FBXO25: variants seen among roughly 807,000 people sequenced by gnomAD.
The protein encoded by FBXO25 is F-box protein 25.
A neutral mutation model predicts 51.9 loss-of-function variants in FBXO25; 45 were observed. The observed-to-expected ratio is 0.87, with a 90% confidence interval of 0.68 to 1.11. FBXO25 has a LOEUF of 1.11. Among genes scored for constraint, FBXO25 ranks in the 50% most tolerant of loss-of-function variants. The probability of loss-of-function intolerance (pLI) is 0.00; values close to 1 mark genes in which losing one functional copy is unlikely to be tolerated. For synonymous variants in FBXO25, 199 were observed against 151.0 expected (o/e 1.32, Z -2.33); for missense variants, 507 against 428.5 (o/e 1.18, Z -1.62).
intron 2 of FBXO25, among the ~76,000 whole-genome samples, chr8:418,099 A>G (rs1203571000): frequency 6.6e-6 from 1 of 152,080 alleles, no homozygotes; most frequent in African/African-American, 2.4e-5. Context: ...GGGTTTCATC[A>G]TGAGGGAATA....
At position 453,629 on chromosome 8, in the gene FBXO25, C is replaced by T. The variant is rs548278987; in HGVS notation, c.660+2176C>T. Among the ~76,000 whole-genome samples the T allele has an allele frequency of 4.6e-5, 7 of 152,212 alleles. No homozygotes were observed. In the East Asian group the frequency reaches 5.8e-4, roughly 13 times the overall value. On this transcript the variant is annotated intron_variant, in intron 7 of 9. Coordinates refer to ENST00000350302, the MANE Select transcript of FBXO25 (RefSeq NM_183420.2). ...TGGCTGATGCTGGATTGCTGCCTCC[C>T]GCTTATTCACGTGAATTTTGAGGTG...
intron 2 of FBXO25, among the ~76,000 whole-genome samples, chr8:427,901 A>G (rs1291215810): frequency 6.6e-6 from 1 of 151,960 alleles, no homozygotes; most frequent in Admixed American, 6.6e-5. Context: ...ATGATGGCCC[A>G]TAACAGCACA....
At chr8:454,779 T>TTGGG in intron 7 of FBXO25, among the ~76,000 whole-genome samples, 1 of 151,840 alleles carries the variant, frequency 6.6e-6, no homozygotes, top group East Asian at 1.9e-4. Context: ...TGGTCCCAGC[T>TTGGG]ACTTGGGAGG....
intron 8 of FBXO25, among the ~76,000 whole-genome samples, chr8:458,925 C>G (rs75326799): frequency 0.019 from 2,851 of 152,240 alleles, 81 homozygotes; most frequent in African/African-American, 0.066. Flanking sequence ...GTCAGGTGCC[C>G]TCTGTGTGCC....
chr8:428,111 C>G (rs566004340), intron 2 of FBXO25, among the ~76,000 whole-genome samples: 1 of 152,266 alleles, frequency 6.6e-6, no homozygotes, highest in South Asian at 2.1e-4. Context: ...TTGTTTACTT[C>G]TACTTGGAGT....
chr8:452,081 G>A (rs1774058419), intron 7 of FBXO25, among the ~76,000 whole-genome samples: 1 of 152,168 alleles, frequency 6.6e-6, no homozygotes, highest in Non-Finnish European at 1.5e-5. Context: ...AGCCTTGGTG[G>A]TATAAATGAT....
chr8:433,303 G>A (rs968200206), intron 4 of FBXO25, among the ~76,000 whole-genome samples: 5 of 152,076 alleles, frequency 3.3e-5, no homozygotes, highest in African/African-American at 1.2e-4. Context: ...GCAGTGTGTG[G>A]TTCCTGCCTA....
At chr8:456,021 C>T (rs186274074) in intron 7 of FBXO25, among the ~76,000 whole-genome samples, 2 of 152,146 alleles carry the variant, frequency 1.3e-5, no homozygotes. Context: ...CTTCGTACTA[C>T]CTTCATACCA....
intron 1 of FBXO25, among the ~76,000 whole-genome samples, chr8:409,152 C>T (rs779146088): frequency 1.4e-4 from 22 of 152,106 alleles, no homozygotes; most frequent in Non-Finnish European, 2.8e-4. Flanking sequence ...AGACCCCAGA[C>T]GTTTTAAATT....
intron 7 of FBXO25, among the ~76,000 whole-genome samples, chr8:456,498 C>T (rs954723031): frequency 6.6e-6 from 1 of 152,220 alleles, no homozygotes; most frequent in African/African-American, 2.4e-5. Flanking sequence ...CTGCGGGGAC[C>T]ATGCTGGCTG....
intron 2 of FBXO25, among the ~76,000 whole-genome samples, chr8:420,046 T>G (rs2121887): frequency 6.6e-6 from 1 of 151,838 alleles, no homozygotes; most frequent in Non-Finnish European, 1.5e-5. Context: ...GATGCCCAAC[T>G]TAATTTATTG....
chr8:441,676 AAAC>A, intron 5 of FBXO25, among the ~76,000 whole-genome samples: 1 of 152,154 alleles, frequency 6.6e-6, no homozygotes, highest in East Asian at 1.9e-4. Flanking sequence ...TACAAGAAAA[AAAC>A]AACCCCATCA....
At chr8:413,753 C>A (rs187382404) in intron 2 of FBXO25, among the ~76,000 whole-genome samples, 1 of 152,216 alleles carries the variant, frequency 6.6e-6, no homozygotes, top group South Asian at 2.1e-4. Flanking sequence ...TGGTGAGACA[C>A]GACCTGTGTT....
chr8:417,663 C>A (rs1196514558), intron 2 of FBXO25, among the ~76,000 whole-genome samples: 1 of 152,200 alleles, frequency 6.6e-6, no homozygotes, highest in Non-Finnish European at 1.5e-5. Flanking sequence ...GAGGTGGTGT[C>A]ACCATGTTCT....
chr8:474,666 C>T lies in FBXO25; in HGVS notation c.*5862C>T, dbSNP rs188543547. 57 of 445,426 alleles carry T rather than the reference C, an allele frequency of 1.3e-4. 1 individual carries two copies. The East Asian group carries it at 3.3e-3, about 26-fold the overall frequency. The allele number at this position is 445,426 out of a possible 1,614,324, so 27.6% of individuals were successfully genotyped here. ...ATCTGTTTGTTGGCCGTTTATATGT[C>T]GTCTTTGGAGAAATGTCTATTTGGG... On this transcript the variant is annotated 3_prime_UTR_variant, in exon 10 of 10. Coordinates refer to ENST00000350302, the MANE Select transcript of FBXO25 (RefSeq NM_183420.2).
At chr8:437,254 G>A (rs1377535844) in intron 5 of FBXO25, among the ~76,000 whole-genome samples, 1 of 152,186 alleles carries the variant, frequency 6.6e-6, no homozygotes, top group Non-Finnish European at 1.5e-5. Context: ...AATGTGCTGT[G>A]CACTCATGTA....
chr8:446,314 C>G (rs977805142), intron 5 of FBXO25, among the ~76,000 whole-genome samples: 3 of 152,094 alleles, frequency 2.0e-5, no homozygotes, highest in African/African-American at 7.2e-5. Context: ...GCATGTGTAA[C>G]TCTTCTTTTT....
chr8:458,554 G>A lies in FBXO25; in HGVS notation c.843+3G>A. ...AGTACCATTTTGCTGAAAAGCAGGT[G>A]AGTGGGATGCAGCAGTCTCCCCTCA... On this transcript the variant is annotated splice_donor_region_variant and intron_variant, in intron 8 of 9. Coordinates refer to ENST00000350302, the MANE Select transcript of FBXO25 (RefSeq NM_183420.2). The A allele has an allele frequency of 6.2e-7, 1 of 1,613,692 alleles. No individual in the cohort carries two copies. The highest frequency in any genetic ancestry group is 8.5e-7 in the Non-Finnish European group (1 of 1,179,726).
chr8:469,849 T>TAA lies in FBXO25; in HGVS notation c.*1048_*1049dup, dbSNP rs1290850555. 2.6e-5 allele frequency: 4 copies of TAA among 152,018 alleles called. No homozygotes were observed. The highest frequency in any genetic ancestry group is 9.7e-5 in the African/African-American group (4 of 41,294). 9.4% of individuals were successfully genotyped at this position (152,018 alleles called of 1,614,324 possible). On this transcript the variant is annotated 3_prime_UTR_variant, in exon 10 of 10. Transcript: ENST00000350302. ...CTACTTTTTCCTTTAAGCATAATAA[T>TAA]AAAAGTATACTTTTATGGCGTTATA...
Sources: allele counts gnomAD v4.1 joint callset (sites outside exome capture counted in the v4.1 genomes callset), GRCh38; gene constraint gnomAD v4.1.1; transcripts MANE v1.5; gene names NCBI Gene and HGNC (gene_info 2026-07-23, HGNC 2026-07-21).